The following KLF6 variants were observed in gnomAD, a reference collection of about 807,000 sequenced individuals.
The protein encoded by KLF6 is Krueppel-like factor 6.
For synonymous variants in KLF6, 152 were observed against 147.9 expected, an observed-to-expected ratio of 1.03 and a Z score of -0.20; for missense variants, 233 against 359.8, an observed-to-expected ratio of 0.65 and a Z score of 2.85.
rs141915340 is a variant in KLF6, at chr10:3,776,374, G to A, written c.*3165C>T. The stretch of plus-strand genomic sequence containing the variant: ...ATTCAGGGAGGGCAATGTCAGGCTC[G>A]CTGACATCCTCTCCAGCTCCCAGGA... On this transcript the variant is annotated 3_prime_UTR_variant, in exon 4 of 4. Transcript: ENST00000497571. 1.2e-3 allele frequency: 619 copies of A among 532,010 alleles called. 4 individuals are homozygous for A. The highest frequency in any genetic ancestry group is 9.9e-3 in the African/African-American group (535 of 53,790). 33.0% of individuals were successfully genotyped at this position (532,010 alleles called of 1,614,324 possible). A position where few individuals can be genotyped will look rare whatever the true frequency, so the allele number is the denominator to read the frequency against.
At chr10:3,783,839 T>C (rs1832586870) in intron 1 of KLF6, among the ~76,000 whole-genome samples, 1 of 152,090 alleles carries the variant, frequency 6.6e-6, no homozygotes, top group South Asian at 2.1e-4. Flanking sequence ...GTCTGGCCGT[T>C]TGCCCAAATC....
At position 3,777,531 on chromosome 10, in the gene KLF6, A is replaced by T; in HGVS notation, c.*2008T>A. 2.0e-6 allele frequency: 1 copy of T among 511,774 alleles called. No individual in the cohort carries two copies. Among genetic ancestry groups the T allele is most frequent in the South Asian group, 1.5e-5 (1 of 64,984 alleles). The allele number at this position is 511,774 out of a possible 1,614,324, so 31.7% of individuals were successfully genotyped here. On this transcript the variant is annotated 3_prime_UTR_variant, in exon 4 of 4. Transcript: ENST00000497571. ...AACGGCCGAAGGTGCCCCATTCCAGACCTGCCCATTTGATGGACAGAGCAG... is the reference window on the plus strand; with the variant it reads ...AACGGCCGAAGGTGCCCCATTCCAGTCCTGCCCATTTGATGGACAGAGCAG...
rs1424390192 is a variant in KLF6, at chr10:3,777,842, T to C, written c.*1697A>G. Reference sequence around the variant, plus strand: ...TCTGCCCACTTTTTTAAAAAAGTAGTATACTTTCTGTATTACCAACAGATA... The same window carrying C: ...TCTGCCCACTTTTTTAAAAAAGTAGCATACTTTCTGTATTACCAACAGATA... On this transcript the variant is annotated 3_prime_UTR_variant, in exon 4 of 4. Coordinates refer to ENST00000497571, the MANE Select transcript of KLF6 (RefSeq NM_001300.6). 1 of 483,480 alleles carries C rather than the reference T, an allele frequency of 2.1e-6. No homozygotes were observed. The highest frequency in any genetic ancestry group is 4.1e-6 in the Non-Finnish European group (1 of 244,958). 29.9% of individuals were successfully genotyped at this position (483,480 alleles called of 1,614,324 possible). A position where few individuals can be genotyped will look rare whatever the true frequency, so the allele number is the denominator to read the frequency against.
At position 3,781,856 on chromosome 10, in the gene KLF6, A is replaced by G. The variant is rs1457284828; in HGVS notation, c.461T>C (p.Leu154Pro). The G allele has an allele frequency of 1.9e-6, 3 of 1,614,128 alleles. No individual in the cohort carries two copies. The highest frequency in any genetic ancestry group is 1.3e-5 in the African/African-American group (1 of 74,942). ...VTSTPPSSPE[L>P]SREPSQLWGC... ...CCACAGTTGAGAAGGTTCCCTGCTC[A>G]GTTCCGGAGAAGATGGAGGCGTGGA... The change falls in exon 2 of 4, where the codon CTG becomes CCG. Residue 154 changes from leucine to proline, a missense_variant. Coordinates refer to ENST00000497571, the MANE Select transcript of KLF6 (RefSeq NM_001300.6). This position sits in a 1 kb window ranked among gnomAD's most constrained non-coding sequence, Gnocchi z 5.8.
intron 3 of KLF6, among the ~76,000 whole-genome samples, chr10:3,779,857 T>C (rs898957273): frequency 2.6e-5 from 4 of 152,246 alleles, no homozygotes; most frequent in Non-Finnish European, 5.9e-5. Flanking sequence ...ATGAAAACTG[T>C]TGAAAGGCCA....
At position 3,779,474 on chromosome 10, in the gene KLF6, C is replaced by T. The variant is rs1564294581; in HGVS notation, c.*65G>A. On this transcript the variant is annotated 3_prime_UTR_variant, in exon 4 of 4. Transcript: ENST00000497571. ...CATGCTTTGGCTGGAACACGCATCC[C>T]TCCTTCCACGGCCGGCTCTCAGCCT... 7.2e-7 allele frequency: 1 copy of T among 1,391,416 alleles called. No individual in the cohort carries two copies. Among genetic ancestry groups the T allele is most frequent in the Non-Finnish European group, 1.0e-6 (1 of 977,514 alleles). The allele number at this position is 1,391,416 out of a possible 1,614,324, so 86.2% of individuals were successfully genotyped here.
In KLF6 at chr10:3,781,364, G is replaced by A; in HGVS notation, c.676+277C>T. ...GGATCCCCAGCACTACTAAGGGGTGGGGGGTGGAGGTTTGGGTGTCCGTGG... is the reference window on the plus strand; with the variant it reads ...GGATCCCCAGCACTACTAAGGGGTGAGGGGTGGAGGTTTGGGTGTCCGTGG... On this transcript the variant is annotated intron_variant, in intron 2 of 3. Coordinates refer to ENST00000497571, the MANE Select transcript of KLF6 (RefSeq NM_001300.6). This position sits in a 1 kb window ranked among gnomAD's most constrained non-coding sequence, Gnocchi z 5.8. The A allele has an allele frequency of 7.1e-7, 1 of 1,413,600 alleles. No homozygotes were observed. The highest frequency in any genetic ancestry group is 1.4e-5 in the South Asian group (1 of 70,038). 87.6% of individuals were successfully genotyped at this position (1,413,600 alleles called of 1,614,324 possible). A position where few individuals can be genotyped will look rare whatever the true frequency, so the allele number is the denominator to read the frequency against.
rs1832515812 is a variant in KLF6 at position 3,781,385 on chromosome 10, C to T, written c.676+256G>A. 2.1e-6 allele frequency: 3 copies of T among 1,459,670 alleles called. No homozygotes were observed. The highest frequency in any genetic ancestry group is 4.7e-5 in the Admixed American group (2 of 42,336). The allele number at this position is 1,459,670 out of a possible 1,614,324, so 90.4% of individuals were successfully genotyped here. A position where few individuals can be genotyped will look rare whatever the true frequency, so the allele number is the denominator to read the frequency against. ...GGTGGGGGGTGGAGGTTTGGGTGTC[C>T]GTGGAGAAAAGGATCTAGTCTCTTG... On this transcript the variant is annotated intron_variant, in intron 2 of 3. Coordinates refer to ENST00000497571, the MANE Select transcript of KLF6 (RefSeq NM_001300.6). The surrounding 1 kb of genome is among the most constrained non-coding windows in gnomAD (Gnocchi z 5.8).
chr10:3,779,696 A>G (rs1832478980), intron 3 of KLF6, 106 bp from the exon 4 acceptor site: 1 of 1,019,686 alleles, frequency 9.8e-7, no homozygotes, highest in South Asian at 1.3e-5. Flanking sequence ...AACCCCCTGC[A>G]GGGAAAGGTG....
chr10:3,782,619 G>A lies in KLF6; in HGVS notation c.103-405C>T, dbSNP rs80227887. Among the ~76,000 whole-genome samples, 47 of 152,338 alleles carry A rather than the reference G, an allele frequency of 3.1e-4. No homozygotes were observed. The highest frequency in any genetic ancestry group is 1.1e-3 in the African/African-American group (45 of 41,570). ...ATTATCTGACATTGTCAAGAACCAT[G>A]TGTTTTAAGGAAAGCCCCAGCCATC... On this transcript the variant is annotated intron_variant, in intron 1 of 3. Coordinates refer to ENST00000497571, the MANE Select transcript of KLF6 (RefSeq NM_001300.6). This position sits in a 1 kb window ranked among gnomAD's most constrained non-coding sequence, Gnocchi z 4.3.
At position 3,778,074 on chromosome 10, in the gene KLF6, T is replaced by G. The variant is rs1283798283; in HGVS notation, c.*1465A>C. 1.9e-6 allele frequency: 1 copy of G among 515,348 alleles called. No homozygotes were observed. The highest frequency in any genetic ancestry group is 3.8e-6 in the Non-Finnish European group (1 of 264,426). The allele number at this position is 515,348 out of a possible 1,614,324, so 31.9% of individuals were successfully genotyped here. A position where few individuals can be genotyped will look rare whatever the true frequency, so the allele number is the denominator to read the frequency against. On this transcript the variant is annotated 3_prime_UTR_variant, in exon 4 of 4. Coordinates refer to ENST00000497571, the MANE Select transcript of KLF6 (RefSeq NM_001300.6). The stretch of plus-strand genomic sequence containing the variant: ...TTTTTCCATTTTCCTGTTTTCCATT[T>G]TAACACTGACAGTCAAGTTGCCTAA...
chr10:3,777,272 A>G lies in KLF6; in HGVS notation c.*2267T>C. On this transcript the variant is annotated 3_prime_UTR_variant, in exon 4 of 4. Transcript: ENST00000497571. ...CCACAAGCCAGCAGCTGGGTGAAAT[A>G]TCAGCTGTCCACGCCGTGGTATGCC... is the stretch of plus-strand genomic sequence containing the variant. 1 of 515,646 alleles carries G rather than the reference A, an allele frequency of 1.9e-6. No individual in the cohort carries two copies. Among genetic ancestry groups the G allele is most frequent in the Non-Finnish European group, 3.8e-6 (1 of 264,828 alleles). 31.9% of individuals were successfully genotyped at this position (515,646 alleles called of 1,614,324 possible).
At position 3,778,880 on chromosome 10, in the gene KLF6, ACACATTG is replaced by A; in HGVS notation, c.*652_*658del. 1.9e-6 allele frequency: 1 copy of A among 534,334 alleles called. No homozygotes were observed. Among genetic ancestry groups the A allele is most frequent in the Non-Finnish European group, 3.6e-6 (1 of 276,386 alleles). 33.1% of individuals were successfully genotyped at this position (534,334 alleles called of 1,614,324 possible). A position where few individuals can be genotyped will look rare whatever the true frequency, so the allele number is the denominator to read the frequency against. ...TGTAGCGTGTAAAACAAGCTACTTG[ACACATTG>A]CACATTTAATAGCTGCACCAGACAC... On this transcript the variant is annotated 3_prime_UTR_variant, in exon 4 of 4. Coordinates refer to ENST00000497571, the MANE Select transcript of KLF6 (RefSeq NM_001300.6).
rs1277777801 is a variant in KLF6, at chr10:3,776,282, T to C, written c.*3257A>G. 10 of 533,010 alleles carry C rather than the reference T, an allele frequency of 1.9e-5. No homozygotes were observed. Among genetic ancestry groups the C allele is most frequent in the Middle Eastern group, 5.2e-4 (1 of 1,922 alleles). 33.0% of individuals were successfully genotyped at this position (533,010 alleles called of 1,614,324 possible). A position where few individuals can be genotyped will look rare whatever the true frequency, so the allele number is the denominator to read the frequency against. On this transcript the variant is annotated 3_prime_UTR_variant, in exon 4 of 4. Coordinates refer to ENST00000497571, the MANE Select transcript of KLF6 (RefSeq NM_001300.6). ...TGAGCAATGGAAGATCAAACCGGCA[T>C]GGTTCCCTACTGTGCCCACAGCCGG... is the stretch of plus-strand genomic sequence containing the variant.
At position 3,778,176 on chromosome 10, in the gene KLF6, T is replaced by C. The variant is rs1588340408; in HGVS notation, c.*1363A>G. 1 of 522,840 alleles carries C rather than the reference T, an allele frequency of 1.9e-6. No homozygotes were observed. The highest frequency in any genetic ancestry group is 4.1e-5 in the East Asian group (1 of 24,392). 32.4% of individuals were successfully genotyped at this position (522,840 alleles called of 1,614,324 possible). ...GAAGGAGGACCTTAAAGAGATTTTT[T>C]TTCTGTATTATACGTTGATACAGTA... On this transcript the variant is annotated 3_prime_UTR_variant, in exon 4 of 4. Coordinates refer to ENST00000497571, the MANE Select transcript of KLF6 (RefSeq NM_001300.6).
Position 3,776,797 on chromosome 10 carries a change from C to T in KLF6, c.*2742G>A, listed in dbSNP as rs977058656. On this transcript the variant is annotated 3_prime_UTR_variant, in exon 4 of 4. Transcript: ENST00000497571. ...GATTGAGGCTCAGTTATCACCTGAA[C>T]AGAATGTACTTCTTTATGTACGTGC... 1 of 514,878 alleles carries T rather than the reference C, an allele frequency of 1.9e-6. No individual in the cohort carries two copies. The highest frequency in any genetic ancestry group is 1.9e-5 in the African/African-American group (1 of 52,260). 31.9% of individuals were successfully genotyped at this position (514,878 alleles called of 1,614,324 possible). A position where few individuals can be genotyped will look rare whatever the true frequency, so the allele number is the denominator to read the frequency against.
rs1832477495 is a variant in KLF6 at position 3,779,621 on chromosome 10, G to C, written c.801-31C>G. On this transcript the variant is annotated intron_variant, in intron 3 of 3. Transcript: ENST00000497571. The stretch of plus-strand genomic sequence containing the variant: ...AGGGCAAATCAGAAGCACAGAAGAA[G>C]TTAGGTTCCCATCCCTTGCCAGTGT... 3.1e-6 allele frequency: 5 copies of C among 1,609,376 alleles called. No homozygotes were observed. In the East Asian group the frequency reaches 1.1e-4, roughly 36 times the overall value.
chr10:3,785,038 C>A lies in KLF6; in HGVS notation c.-24G>T. On this transcript the variant is annotated 5_prime_UTR_variant, in exon 1 of 4. Transcript: ENST00000497571. ...ATGTCGGGCCGGGTTGGACGGAGCC[C>A]GCGGTCGCGAGGGCGGCGAGGCGCG... 2 of 1,610,678 alleles carry A rather than the reference C, an allele frequency of 1.2e-6. No homozygotes were observed. The highest frequency in any genetic ancestry group is 2.2e-5 in the South Asian group (2 of 90,876).
Position 3,785,032 on chromosome 10 carries a change from G to C in KLF6, c.-18C>G, listed in dbSNP as rs1443508142. On this transcript the variant is annotated 5_prime_UTR_variant, in exon 1 of 4. Coordinates refer to ENST00000497571, the MANE Select transcript of KLF6 (RefSeq NM_001300.6). The stretch of plus-strand genomic sequence containing the variant: ...ACGTCCATGTCGGGCCGGGTTGGAC[G>C]GAGCCCGCGGTCGCGAGGGCGGCGA... The C allele has an allele frequency of 3.7e-6, 6 of 1,610,992 alleles. No individual in the cohort carries two copies. The highest frequency in any genetic ancestry group is 1.3e-5 in the African/African-American group (1 of 74,886).
Sources: allele counts gnomAD v4.1 joint callset (sites outside exome capture counted in the v4.1 genomes callset), GRCh38; gene constraint gnomAD v4.1.1; non-coding constraint Gnocchi (gnomAD v3.1); transcripts MANE v1.5; gene names NCBI Gene and HGNC (gene_info 2026-07-23, HGNC 2026-07-21).